Variants in CNTN5 observed in about 807,000 individuals in gnomAD.
The protein encoded by CNTN5 is contactin 5, also known as contactin-5.
In CNTN5, 77 loss-of-function variants were observed where a neutral mutation model predicts 129.1. The ratio of observed to expected loss-of-function variants is 0.60; its 90% CI spans 0.50 to 0.72. CNTN5 has a LOEUF of 0.72. Among genes scored for constraint, CNTN5 ranks in the 30% least tolerant of loss-of-function variants. The pLI is 0.00. For synonymous variants in CNTN5, 509 were observed against 465.6 expected (o/e 1.09, Z -1.20); for missense variants, 1,478 against 1,328.8 (o/e 1.11, Z -1.75).
intron 2 of CNTN5, among the ~76,000 whole-genome samples, chr11:99,520,160 C>A (rs899655130): frequency 6.6e-6 from 1 of 152,144 alleles, no homozygotes; most frequent in Non-Finnish European, 1.5e-5. Flanking sequence ...ATGTTAGATT[C>A]TCTGGCAGAA....
At chr11:99,359,186 CAA>C (rs1399383789) in intron 2 of CNTN5, among the ~76,000 whole-genome samples, 1 of 151,608 alleles carries the variant, frequency 6.6e-6, no homozygotes, top group Non-Finnish European at 1.5e-5. Flanking sequence ...TTGAAATAAA[CAA>C]ATATTGATTA....
intron 6 of CNTN5, among the ~76,000 whole-genome samples, chr11:99,903,185 A>G (rs1271478966): frequency 6.6e-6 from 1 of 152,010 alleles, no homozygotes; most frequent in Non-Finnish European, 1.5e-5. Context: ...GTGCTCTGCA[A>G]TACACGAATG....
intron 9 of CNTN5, among the ~76,000 whole-genome samples, chr11:100,025,024 C>G (rs577642109): frequency 6.6e-6 from 1 of 152,322 alleles, no homozygotes; most frequent in East Asian, 1.9e-4. Flanking sequence ...ATGTTAATCA[C>G]CAAGACAATG....
At chr11:99,862,635 GATTA>G (rs1456982624) in intron 6 of CNTN5, among the ~76,000 whole-genome samples, 4 of 151,836 alleles carry the variant, frequency 2.6e-5, no homozygotes, top group Non-Finnish European at 5.9e-5. Flanking sequence ...AGTAATTACT[GATTA>G]ATTATTAATT....
At chr11:100,148,798 G>A (rs1368270128) in intron 13 of CNTN5, among the ~76,000 whole-genome samples, 1 of 152,052 alleles carries the variant, frequency 6.6e-6, no homozygotes, top group African/African-American at 2.4e-5. Context: ...TCTTGCTCTA[G>A]CATCCTTGTC....
chr11:99,880,227 G>A (rs898240797), intron 6 of CNTN5, among the ~76,000 whole-genome samples: 4 of 152,138 alleles, frequency 2.6e-5, no homozygotes, highest in Non-Finnish European at 5.9e-5. Flanking sequence ...ACAATAAATA[G>A]CATTCATGTT....
At chr11:99,250,883 G>A (rs1315989659) in intron 1 of CNTN5, among the ~76,000 whole-genome samples, 2 of 151,842 alleles carry the variant, frequency 1.3e-5, no homozygotes, top group African/African-American at 4.8e-5. Flanking sequence ...ATTTTCTAAT[G>A]TGCACAGTGT....
At chr11:99,262,340 T>A (rs1862672288) in intron 1 of CNTN5, among the ~76,000 whole-genome samples, 1 of 152,076 alleles carries the variant, frequency 6.6e-6, no homozygotes, top group African/African-American at 2.4e-5. Context: ...TTGGAAATAC[T>A]TTGTTTTTAT....
chr11:99,675,904 C>G (rs1338715098), intron 3 of CNTN5, among the ~76,000 whole-genome samples: 2 of 151,976 alleles, frequency 1.3e-5, no homozygotes, highest in African/African-American at 4.8e-5. Flanking sequence ...TTGTTACTCT[C>G]TAGAGCTGTG....
chr11:99,532,906 T>A (rs559102939), intron 2 of CNTN5, among the ~76,000 whole-genome samples: 1 of 152,200 alleles, frequency 6.6e-6, no homozygotes, highest in Non-Finnish European at 1.5e-5. Context: ...GACAATCCAG[T>A]TGATAGATTG....
chr11:99,925,688 G>C (rs1027727051), intron 7 of CNTN5, among the ~76,000 whole-genome samples: 1 of 151,870 alleles, frequency 6.6e-6, no homozygotes, highest in Non-Finnish European at 1.5e-5. Context: ...AAGAAAGAAA[G>C]AAACAAAAGA....
chr11:99,744,103 A>C (rs750364315), intron 3 of CNTN5, among the ~76,000 whole-genome samples: 4 of 152,164 alleles, frequency 2.6e-5, no homozygotes, highest in Non-Finnish European at 5.9e-5. Flanking sequence ...CTTCCAAAGA[A>C]GGACCTCTGA....
At chr11:99,355,811 GTTTTTTTTTGT>G (rs1185960378) in intron 2 of CNTN5, among the ~76,000 whole-genome samples, 18 of 127,826 alleles carry the variant, frequency 1.4e-4, no homozygotes, top group African/African-American at 5.0e-4. Context: ...ATCTGTCATG[GTTTTTTTTTGT>G]TTTTTTTTTT....
chr11:99,397,708 C>A (rs1331800349), intron 2 of CNTN5, among the ~76,000 whole-genome samples: 1 of 151,460 alleles, frequency 6.6e-6, no homozygotes, highest in African/African-American at 2.4e-5. Flanking sequence ...TGTTTGTAGA[C>A]CACTTCCTTT....
intron 1 of CNTN5, among the ~76,000 whole-genome samples, chr11:99,117,697 G>T (rs1378052732): frequency 1.3e-5 from 2 of 152,146 alleles, no homozygotes; most frequent in Non-Finnish European, 2.9e-5. Flanking sequence ...ACATTCATGA[G>T]GGTAGGGCTC....
intron 17 of CNTN5, among the ~76,000 whole-genome samples, chr11:100,266,776 T>C (rs1265614714): frequency 6.6e-6 from 1 of 152,034 alleles, no homozygotes; most frequent in Non-Finnish European, 1.5e-5. Context: ...TTTATATGTA[T>C]TTTACATAAA....
intron 6 of CNTN5, among the ~76,000 whole-genome samples, chr11:99,860,376 T>G (rs1120180): frequency 0.13 from 20,527 of 152,132 alleles, 2,423 homozygotes; most frequent in East Asian, 0.59. Flanking sequence ...ATAAATTCTT[T>G]CCTGAGGCCA....
At chr11:99,213,769 C>A (rs1370849255) in intron 1 of CNTN5, among the ~76,000 whole-genome samples, 2 of 152,148 alleles carry the variant, frequency 1.3e-5, no homozygotes, top group African/African-American at 4.8e-5. Context: ...ATGCTATTGT[C>A]TGCCTAACAG....
chr11:99,647,930 T>A (rs1310960205), intron 3 of CNTN5, among the ~76,000 whole-genome samples: 1 of 151,950 alleles, frequency 6.6e-6, no homozygotes, highest in Non-Finnish European at 1.5e-5. Context: ...AGGTTTTTCT[T>A]AGGGTTTTTA....
Sources: allele counts gnomAD v4.1 joint callset (sites outside exome capture counted in the v4.1 genomes callset), GRCh38; gene constraint gnomAD v4.1.1; transcripts MANE v1.5; gene names NCBI Gene and HGNC (gene_info 2026-07-23, HGNC 2026-07-21).